The following GAS7 variants were observed in gnomAD, a reference collection of about 807,000 sequenced individuals.
The protein encoded by GAS7 is growth arrest specific 7.
A neutral mutation model predicts 71.1 loss-of-function variants in GAS7; 28 were observed. That is an observed-to-expected ratio of 0.39 (90% confidence interval 0.29 to 0.54). The LOEUF is 0.54. Among genes scored for constraint, GAS7 ranks in the 20% least tolerant of loss-of-function variants. The pLI, the probability that GAS7 is intolerant of heterozygous loss-of-function variation, is 0.62. For synonymous variants in GAS7, 258 were observed against 245.8 expected (o/e 1.05, Z -0.46); for missense variants, 436 against 627.8 (o/e 0.69, Z 3.27).
At chr17:10,192,768 C>T (rs1317947651) in intron 1 of GAS7, among the ~76,000 whole-genome samples, 1 of 152,190 alleles carries the variant, frequency 6.6e-6, no homozygotes, top group Non-Finnish European at 1.5e-5. Context: ...TGAGCTGAGG[C>T]TGACAGAGTG....
intron 1 of GAS7, among the ~76,000 whole-genome samples, chr17:10,036,995 C>T (rs2072765423): frequency 6.6e-6 from 1 of 152,170 alleles, no homozygotes; most frequent in Non-Finnish European, 1.5e-5. Context: ...CTGGTCCTGG[C>T]CCCGGCCCCG....
chr17:9,947,254 G>A (rs1161575374), intron 5 of GAS7, among the ~76,000 whole-genome samples: 2 of 152,156 alleles, frequency 1.3e-5, no homozygotes, highest in Non-Finnish European at 2.9e-5. Flanking sequence ...CCCAGCAATT[G>A]CACAAGAGTC....
At chr17:10,063,050 T>G (rs558710680) in intron 1 of GAS7, among the ~76,000 whole-genome samples, 38 of 152,360 alleles carry the variant, frequency 2.5e-4, no homozygotes, top group African/African-American at 8.9e-4. Flanking sequence ...AACCCTTGCC[T>G]CGCTCTGTGC....
chr17:10,023,643 C>T (rs1206683862), intron 1 of GAS7, among the ~76,000 whole-genome samples: 1 of 152,170 alleles, frequency 6.6e-6, no homozygotes, highest in Non-Finnish European at 1.5e-5. Flanking sequence ...ATGGGCAGAG[C>T]CATAGAGACA....
intron 1 of GAS7, among the ~76,000 whole-genome samples, chr17:10,167,110 T>A (rs552861658): frequency 2.2e-4 from 29 of 130,010 alleles, no homozygotes; most frequent in African/African-American, 7.4e-4. Context: ...CAGGCTGGAG[T>A]GCAATGGTGT....
At chr17:9,963,128 C>T (rs530080947) in intron 4 of GAS7, among the ~76,000 whole-genome samples, 4 of 151,588 alleles carry the variant, frequency 2.6e-5, no homozygotes, top group Non-Finnish European at 4.4e-5. Context: ...TCTATCCATA[C>T]GACAGAATAT....
Position 9,959,365 on chromosome 17 carries a change from G to A in GAS7, c.472-110C>T. ...GGCGCTGGGGAATCAGGGATGCTCA[G>A]TCTGAATCCTAAGTCACCATATTCT... On this transcript the variant is annotated intron_variant, in intron 4 of 13. Transcript: ENST00000432992. This position sits in a 1 kb window ranked among gnomAD's most constrained non-coding sequence, Gnocchi z 5.0. 1 of 1,558,616 alleles carries A rather than the reference G, an allele frequency of 6.4e-7. No homozygotes were observed. Among genetic ancestry groups the A allele is most frequent in the South Asian group, 1.2e-5 (1 of 84,620 alleles).
At chr17:9,927,523 A>T (rs1030095713) in intron 9 of GAS7, among the ~76,000 whole-genome samples, 1 of 151,746 alleles carries the variant, frequency 6.6e-6, no homozygotes, top group Non-Finnish European at 1.5e-5. Context: ...AATAATAATC[A>T]ATGACCTCAC....
chr17:10,186,264 G>T (rs1403444125), intron 1 of GAS7, among the ~76,000 whole-genome samples: 1 of 151,948 alleles, frequency 6.6e-6, no homozygotes, highest in South Asian at 2.1e-4. Flanking sequence ...GCCAGAGTCT[G>T]CATTTTAACA....
At chr17:10,010,797 C>T (rs2071740988) in intron 2 of GAS7, among the ~76,000 whole-genome samples, 1 of 152,146 alleles carries the variant, frequency 6.6e-6, no homozygotes, top group African/African-American at 2.4e-5. Flanking sequence ...AACTAAAGTA[C>T]AGTTTCTAGT....
rs61578754 is a variant in GAS7 at position 10,160,939 on chromosome 17, T to TACACACACACACAC, written c.183+37255_183+37268dup. ...TTGGAAGCCATAGAAATTGAAACCA[T>TACACACACACACAC]ACACACACACACACACACACACACA... On this transcript the variant is annotated intron_variant, in intron 1 of 13. Transcript: ENST00000432992. Among the ~76,000 whole-genome samples, 1,053 of 139,678 alleles carry TACACACACACACAC rather than the reference T, an allele frequency of 7.5e-3. 10 individuals carry two copies. The highest frequency in any genetic ancestry group is 0.015 in the Admixed American group (206 of 13,616). The allele number at this position is 139,678 out of a possible 152,430, so 91.6% of individuals were successfully genotyped here.
intron 9 of GAS7, among the ~76,000 whole-genome samples, chr17:9,927,639 G>A (rs928736605): frequency 3.3e-5 from 5 of 152,184 alleles, no homozygotes; most frequent in African/African-American, 1.2e-4. Context: ...ATCAGCGTCT[G>A]TGTCTCCAAG....
At chr17:10,072,431 C>G (rs887858943) in intron 1 of GAS7, among the ~76,000 whole-genome samples, 3 of 152,168 alleles carry the variant, frequency 2.0e-5, no homozygotes, top group Admixed American at 6.5e-5. Context: ...TCCCCTCCCC[C>G]AGCCTTCGCC....
chr17:9,958,855 T>C lies in GAS7; in HGVS notation c.525+347A>G. The stretch of plus-strand genomic sequence containing the variant: ...CGCACAAAAGCAACCCTGCCGTGGC[T>C]GTAATTTACACGTCACATCACTTGC... On this transcript the variant is annotated intron_variant, in intron 5 of 13. Coordinates refer to ENST00000432992, the MANE Select transcript of GAS7 (RefSeq NM_201433.2). 3 of 443,158 alleles carry C rather than the reference T, an allele frequency of 6.8e-6. No homozygotes were observed. In the South Asian group the frequency reaches 2.3e-4, roughly 33 times the overall value. The allele number at this position is 443,158 out of a possible 1,614,324, so 27.5% of individuals were successfully genotyped here.
At chr17:9,954,175 G>T (rs963624652) in intron 5 of GAS7, among the ~76,000 whole-genome samples, 4 of 152,178 alleles carry the variant, frequency 2.6e-5, no homozygotes, top group Non-Finnish European at 2.9e-5. Context: ...GCGTTGCTCG[G>T]TTTGGCTGAG....
chr17:10,079,959 T>C (rs1377965742), intron 1 of GAS7, among the ~76,000 whole-genome samples: 1 of 152,162 alleles, frequency 6.6e-6, no homozygotes, highest in Non-Finnish European at 1.5e-5. Flanking sequence ...TGTACTGACT[T>C]TGGAGGTGTT....
chr17:10,163,375 C>T (rs1487279594), intron 1 of GAS7, among the ~76,000 whole-genome samples: 1 of 151,654 alleles, frequency 6.6e-6, no homozygotes, highest in African/African-American at 2.4e-5. Context: ...ATCCGCTTGC[C>T]TCGGCCTCCC....
intron 8 of GAS7, among the ~76,000 whole-genome samples, chr17:9,935,051 G>T (rs2068350006): frequency 6.6e-6 from 1 of 152,196 alleles, no homozygotes; most frequent in African/African-American, 2.4e-5. Context: ...CCCAGCCGGA[G>T]AAGCTCTTTT....
At chr17:10,145,308 G>C (rs986626736) in intron 1 of GAS7, among the ~76,000 whole-genome samples, 11 of 152,254 alleles carry the variant, frequency 7.2e-5, no homozygotes, top group Admixed American at 6.5e-5. Context: ...ACGGGGGAAA[G>C]TACACAGGAA....
Sources: gnomAD v4.1 joint callset for allele counts (sites outside exome capture counted in the v4.1 genomes callset) on GRCh38, gnomAD v4.1.1 for gene constraint, Gnocchi (gnomAD v3.1) non-coding constraint, MANE v1.5 for transcripts, NCBI Gene and HGNC (gene_info 2026-07-23, HGNC 2026-07-21) for gene names.